The following FBXO28 variants were observed in gnomAD, a reference collection of about 807,000 sequenced individuals.
FBXO28 encodes F-box only protein 28.
FBXO28 carries 8 observed loss-of-function variants against 38.1 expected under a neutral mutation model. The observed-to-expected ratio is 0.21, with a 90% CI of 0.12 to 0.38. The LOEUF (loss-of-function observed/expected upper bound fraction) is 0.38, where lower values mean the gene tolerates loss of function less well. Ranked by LOEUF, FBXO28 falls within the 10% of genes least tolerant of loss-of-function variation. The pLI is 1.00. For missense variants in FBXO28, 345 were observed against 460.6 expected (o/e 0.75, Z 2.30); for synonymous variants, 168 against 173.8 (o/e 0.97, Z 0.26).
intron 3 of FBXO28, among the ~76,000 whole-genome samples, chr1:224,135,630 A>AAAAAAAAG (rs1553290016): frequency 5.9e-4 from 68 of 115,736 alleles, no homozygotes; most frequent in Non-Finnish European, 1.0e-3. Context: ...AAAAAAAAAA[A>AAAAAAAAG]AAAAAGAAAA....
At chr1:224,117,414 C>CA (rs1656668542) in intron 1 of FBXO28, among the ~76,000 whole-genome samples, 1 of 151,732 alleles carries the variant, frequency 6.6e-6, no homozygotes, top group South Asian at 2.1e-4. Context: ...GCAATCCACC[C>CA]ACCTAGGCCT....
chr1:224,138,461 G>A (rs939144882), intron 3 of FBXO28, among the ~76,000 whole-genome samples: 3 of 151,796 alleles, frequency 2.0e-5, no homozygotes, highest in African/African-American at 7.3e-5. Flanking sequence ...CTAAATAGGG[G>A]TATAGTTGGC....
At chr1:224,120,510 A>C (rs2102609489) in intron 1 of FBXO28, among the ~76,000 whole-genome samples, 1 of 152,362 alleles carries the variant, frequency 6.6e-6, no homozygotes, top group Admixed American at 6.5e-5. Flanking sequence ...GTAATTATTG[A>C]ATAAATGAAG....
intron 1 of FBXO28, 51 bp from the exon 2 acceptor site, chr1:224,130,421 T>G: frequency 8.4e-6 from 10 of 1,196,992 alleles, no homozygotes; most frequent in Non-Finnish European, 1.2e-5. Flanking sequence ...TGAGTCTCAG[T>G]TGTCTCTTAT....
chr1:224,121,385 A>T (rs1011431682), intron 1 of FBXO28, among the ~76,000 whole-genome samples: 3 of 152,244 alleles, frequency 2.0e-5, no homozygotes, highest in African/African-American at 7.2e-5. Flanking sequence ...ATATACGCAG[A>T]GAATCTAAAA....
chr1:224,120,995 T>C (rs981441664), intron 1 of FBXO28, among the ~76,000 whole-genome samples: 1 of 149,814 alleles, frequency 6.7e-6, no homozygotes, highest in African/African-American at 2.4e-5. Flanking sequence ...GATTAGAACT[T>C]TTTTTTTTTA....
chr1:224,130,351 GAT>G, intron 1 of FBXO28, 119 bp from the exon 2 acceptor site: 1 of 651,296 alleles, frequency 1.5e-6, no homozygotes, highest in Admixed American at 2.8e-5. Flanking sequence ...CAAAAAAAAA[GAT>G]ATATACAGCA....
In FBXO28 at chr1:224,155,429, T is replaced by C. The variant is rs192534101; in HGVS notation, c.713-1923T>C. 2.5e-3 allele frequency among the ~76,000 whole-genome samples: 382 copies of C among 152,218 alleles called. 2 individuals are homozygous for C. Among genetic ancestry groups the C allele is most frequent in the Non-Finnish European group, 1.6e-3 (109 of 67,992 alleles). ...ATCCACCTGCCTCGGCCTCCCAAAGTGCTGGGATTACAGGCATGAGCCACC... is the reference window on the plus strand; with the variant it reads ...ATCCACCTGCCTCGGCCTCCCAAAGCGCTGGGATTACAGGCATGAGCCACC... On this transcript the variant is annotated intron_variant, in intron 4 of 4. Coordinates refer to ENST00000366862, the MANE Select transcript of FBXO28 (RefSeq NM_015176.4).
rs370439172 is a variant in FBXO28, at chr1:224,151,911, A to C, written c.517-1231A>C. 1.1e-4 allele frequency among the ~76,000 whole-genome samples: 16 copies of C among 151,816 alleles called. 1 individual carries two copies. Among genetic ancestry groups the C allele is most frequent in the Admixed American group, 3.9e-4 (6 of 15,228 alleles). ...TACAAAATTAGCCAGGTGTGGTGGC[A>C]CATGTCTGTAATCCCAGCTACTTGG... On this transcript the variant is annotated intron_variant, in intron 3 of 4. Coordinates refer to ENST00000366862, the MANE Select transcript of FBXO28 (RefSeq NM_015176.4).
At chr1:224,128,631 C>T (rs139301810) in intron 1 of FBXO28, among the ~76,000 whole-genome samples, 24 of 152,178 alleles carry the variant, frequency 1.6e-4, no homozygotes, top group Middle Eastern at 3.4e-3. Context: ...GACAAGAATG[C>T]ATATAAGTTG....
chr1:224,136,683 G>A (rs961127867), intron 3 of FBXO28, among the ~76,000 whole-genome samples: 2 of 151,048 alleles, frequency 1.3e-5, no homozygotes, highest in Middle Eastern at 3.4e-3. Flanking sequence ...AGCCAAGATC[G>A]TGCCACTGCA....
chr1:224,132,002 C>G (rs1657058916), intron 2 of FBXO28, among the ~76,000 whole-genome samples: 1 of 152,130 alleles, frequency 6.6e-6, no homozygotes, highest in South Asian at 2.1e-4. Flanking sequence ...CCTGTAATCC[C>G]AGCATGTTGG....
intron 4 of FBXO28, among the ~76,000 whole-genome samples, chr1:224,153,851 G>A (rs1210693103): frequency 1.3e-5 from 2 of 151,944 alleles, no homozygotes; most frequent in East Asian, 3.9e-4. Flanking sequence ...AACCTGGGAG[G>A]CAGAGGTTGC....
In FBXO28 at chr1:224,160,010, T is replaced by G. The variant is rs1291053827; in HGVS notation, c.*2264T>G. On this transcript the variant is annotated 3_prime_UTR_variant, in exon 5 of 5. Transcript: ENST00000366862. ...TCATCTATTCATAAAGCTAATTCAT[T>G]GTACTTGTTAATGCATGAATGTTCC... The G allele has an allele frequency of 6.6e-6, 1 of 152,214 alleles. No individual in the cohort carries two copies. The highest frequency in any genetic ancestry group is 6.5e-5 in the Admixed American group (1 of 15,284). The allele number at this position is 152,214 out of a possible 1,614,324, so 9.4% of individuals were successfully genotyped here. A position where few individuals can be genotyped will look rare whatever the true frequency, so the allele number is the denominator to read the frequency against.
Position 224,157,967 on chromosome 1 carries a change from AC to A in FBXO28, c.*223del, listed in dbSNP as rs1451171982. On this transcript the variant is annotated 3_prime_UTR_variant, in exon 5 of 5. Transcript: ENST00000366862. The stretch of plus-strand genomic sequence containing the variant: ...TTTGCAATAGATTTGTACTAACCAG[AC>A]CTGTTCTATCATGTTTTGAGGAGTT... The A allele has an allele frequency of 1.5e-6, 2 of 1,337,134 alleles. No individual in the cohort carries two copies. The highest frequency in any genetic ancestry group is 5.8e-5 in the East Asian group (2 of 34,580). The allele number at this position is 1,337,134 out of a possible 1,614,324, so 82.8% of individuals were successfully genotyped here. A position where few individuals can be genotyped will look rare whatever the true frequency, so the allele number is the denominator to read the frequency against.
intron 1 of FBXO28, among the ~76,000 whole-genome samples, chr1:224,116,252 G>C (rs3767728): frequency 0.25 from 38,353 of 152,068 alleles, 5,099 homozygotes; most frequent in East Asian, 0.47. Flanking sequence ...TGGGGAGTTG[G>C]AAGTGTCTTT....
rs41307680 is a variant in FBXO28 at position 224,159,251 on chromosome 1, G to A, written c.*1505G>A. 0.018 allele frequency: 2,750 copies of A among 152,428 alleles called. 40 individuals carry two copies. The highest frequency in any genetic ancestry group is 0.025 in the Non-Finnish European group (1,717 of 67,938). The allele number at this position is 152,428 out of a possible 1,614,324, so 9.4% of individuals were successfully genotyped here. On this transcript the variant is annotated 3_prime_UTR_variant, in exon 5 of 5. Transcript: ENST00000366862. Reference sequence around the variant, plus strand: ...AGCTTAACACCTGTATAAAACCTAAGGTTTTGGTAAGTACCTTAGTTGAAT... The same window carrying A: ...AGCTTAACACCTGTATAAAACCTAAAGTTTTGGTAAGTACCTTAGTTGAAT...
intron 1 of FBXO28, among the ~76,000 whole-genome samples, chr1:224,120,452 G>A (rs1335937247): frequency 6.6e-6 from 1 of 152,130 alleles, no homozygotes; most frequent in Non-Finnish European, 1.5e-5. Context: ...ATCTTTGGAG[G>A]AGCCTGTTTT....
chr1:224,132,783 C>T (rs116380569), intron 2 of FBXO28, among the ~76,000 whole-genome samples: 1,934 of 146,096 alleles, frequency 0.013, 38 homozygotes, highest in African/African-American at 0.04. Flanking sequence ...GCAGCCTGGG[C>T]GACAGAGTGA....
Sources: gnomAD v4.1 joint callset for allele counts (sites outside exome capture counted in the v4.1 genomes callset) on GRCh38, gnomAD v4.1.1 for gene constraint, MANE v1.5 for transcripts, NCBI Gene and HGNC (gene_info 2026-07-23, HGNC 2026-07-21) for gene names.